NFILZ: variants seen among roughly 807,000 people sequenced by gnomAD.
The protein encoded by NFILZ is NFIL3 like basic leucine zipper, also known as NFIL3 like protein.
At chr19:8,653,559 T>C (rs1015216327) in intron 3 of NFILZ, among the ~76,000 whole-genome samples, 7 of 152,114 alleles carry the variant, frequency 4.6e-5, no homozygotes, top group Non-Finnish European at 7.3e-5. Flanking sequence ...ATTGCAAAGA[T>C]ATGGAACCAA....
rs1260512875 is a variant in NFILZ, at chr19:8,677,688, A to G, written c.*53A>G. The G allele has an allele frequency of 6.6e-6, 1 of 152,220 alleles. No individual in the cohort carries two copies. The highest frequency in any genetic ancestry group is 1.5e-5 in the Non-Finnish European group (1 of 68,118). The allele number at this position is 152,220 out of a possible 1,614,324, so 9.4% of individuals were successfully genotyped here. On this transcript the variant is annotated 3_prime_UTR_variant, in exon 6 of 6. Transcript: ENST00000691075. ...GCAAGGGGGTGTTTGGGGGCGGAAT[A>G]TAGGTTTGTCTGAGGGATGAGTAGC...
rs1372761548 is a variant in NFILZ, at chr19:8,677,921, T to C, written c.*286T>C. Among the ~76,000 whole-genome samples the C allele has an allele frequency of 6.6e-6, 1 of 151,990 alleles. No individual in the cohort carries two copies. Among genetic ancestry groups the C allele is most frequent in the African/African-American group, 2.4e-5 (1 of 41,382 alleles). On this transcript the variant is annotated 3_prime_UTR_variant, in exon 6 of 6. Transcript: ENST00000691075. ...TTCCTTCCTCCTTTCCATTTATCTA[T>C]TCTTCCCTATAGCCATCCATTCATC...
chr19:8,656,015 C>T lies in NFILZ; in HGVS notation c.-163-18536C>T, dbSNP rs368932117. ...AGCCCTGCTCTCAGGGTGGGGAGAACAGGTTCTACCCTCTCCGAGGTTCTC... is the reference window on the plus strand; with the variant it reads ...AGCCCTGCTCTCAGGGTGGGGAGAATAGGTTCTACCCTCTCCGAGGTTCTC... On this transcript the variant is annotated intron_variant, in intron 3 of 5. Transcript: ENST00000691075. Among the ~76,000 whole-genome samples, 11 of 152,160 alleles carry T rather than the reference C, an allele frequency of 7.2e-5. No individual in the cohort carries two copies. The East Asian group carries it at 2.1e-3, about 29-fold the overall frequency.
chr19:8,633,735 C>A lies in NFILZ; in HGVS notation c.-261+1110C>A, dbSNP rs1357355370. ...TCAGCTCTTGTCCTGGGACAAGGCCCCCTGCCTCCTGGTCAAGGGAGCAGG... is the reference window on the plus strand; with the variant it reads ...TCAGCTCTTGTCCTGGGACAAGGCCACCTGCCTCCTGGTCAAGGGAGCAGG... On this transcript the variant is annotated intron_variant, in intron 2 of 5. Transcript: ENST00000691075. Among the ~76,000 whole-genome samples, 4 of 152,158 alleles carry A rather than the reference C, an allele frequency of 2.6e-5. No individual in the cohort carries two copies. In the East Asian group the frequency reaches 7.7e-4, roughly 29 times the overall value.
At chr19:8,673,857 T>C (rs1555750508) in intron 3 of NFILZ, among the ~76,000 whole-genome samples, 1 of 152,088 alleles carries the variant, frequency 6.6e-6, no homozygotes, top group Non-Finnish European at 1.5e-5. Flanking sequence ...GATTGATTGA[T>C]TGAGATGGAG....
chr19:8,638,243 A>T (rs1555746292), intron 3 of NFILZ, among the ~76,000 whole-genome samples: 1 of 152,210 alleles, frequency 6.6e-6, no homozygotes, highest in African/African-American at 2.4e-5. Flanking sequence ...ATGCTGTGTG[A>T]TGCTAGAAGT....
intron 3 of NFILZ, among the ~76,000 whole-genome samples, chr19:8,663,748 G>GTGTGTATGTGTGTGTGTATGTGTGTA (rs2043046753): frequency 4.8e-4 from 67 of 139,476 alleles, no homozygotes; most frequent in African/African-American, 1.8e-3. Flanking sequence ...GTGTGTGTGT[G>GTGTGTATGTGTGTGTGTATGTGTGTA]TGTGTGTGTG....
At chr19:8,633,166 G>T (rs929193768) in intron 2 of NFILZ, among the ~76,000 whole-genome samples, 2 of 150,560 alleles carry the variant, frequency 1.3e-5, no homozygotes, top group Admixed American at 1.3e-4. Context: ...GATTACAGAT[G>T]TGCACCACCA....
At position 8,631,590 on chromosome 19, in the gene NFILZ, C is replaced by A. The variant is rs563614164; in HGVS notation, c.-411+846C>A. Among the ~76,000 whole-genome samples, 4 of 152,268 alleles carry A rather than the reference C, an allele frequency of 2.6e-5. No individual in the cohort carries two copies. The South Asian group carries it at 8.3e-4, about 32-fold the overall frequency. ...TCTTGGCCCCCTCTTCCCCCGAGTCCAGGGTCACAGTGGGAGGCCGCAGAT... is the reference window on the plus strand; with the variant it reads ...TCTTGGCCCCCTCTTCCCCCGAGTCAAGGGTCACAGTGGGAGGCCGCAGAT... On this transcript the variant is annotated intron_variant, in intron 1 of 5. Transcript: ENST00000691075.
intron 3 of NFILZ, among the ~76,000 whole-genome samples, chr19:8,673,725 A>C (rs1555750490): frequency 6.6e-6 from 1 of 152,010 alleles, no homozygotes; most frequent in Non-Finnish European, 1.5e-5. Context: ...GTTCCTGGGC[A>C]TGGGCACTGG....
chr19:8,637,784 G>A (rs1460381363), intron 3 of NFILZ, among the ~76,000 whole-genome samples: 3 of 151,600 alleles, frequency 2.0e-5, no homozygotes, highest in African/African-American at 7.3e-5. Flanking sequence ...GCAGATGCCT[G>A]TAATCTCAGC....
chr19:8,679,185 C>T lies in NFILZ; in HGVS notation c.*1550C>T, dbSNP rs1357019056. 6.6e-6 allele frequency among the ~76,000 whole-genome samples: 1 copy of T among 152,086 alleles called. No homozygotes were observed. The highest frequency in any genetic ancestry group is 2.4e-5 in the African/African-American group (1 of 41,404). On this transcript the variant is annotated 3_prime_UTR_variant, in exon 6 of 6. Transcript: ENST00000691075. ...ACCCACCCAGGTGGAAGGGTCCATT[C>T]TGCAGGGAAGGTCTTCCAGGGGCCT...
At chr19:8,658,177 C>G (rs1317387502) in intron 3 of NFILZ, among the ~76,000 whole-genome samples, 4 of 152,236 alleles carry the variant, frequency 2.6e-5, no homozygotes, top group East Asian at 1.9e-4. Flanking sequence ...ACAGAATGAT[C>G]AAGAGGTAGC....
At chr19:8,652,354 C>T (rs934490256) in intron 3 of NFILZ, among the ~76,000 whole-genome samples, 88 of 152,142 alleles carry the variant, frequency 5.8e-4, no homozygotes, top group Non-Finnish European at 1.1e-3. Context: ...CCACTCGCCT[C>T]GGCCTCCCAA....
chr19:8,641,399 T>C (rs1422564450), intron 3 of NFILZ, among the ~76,000 whole-genome samples: 1 of 152,126 alleles, frequency 6.6e-6, no homozygotes, highest in Non-Finnish European at 1.5e-5. Context: ...TGTTTAGGAA[T>C]TCACCCAAAT....
chr19:8,652,772 TC>T (rs1214413526), intron 3 of NFILZ, among the ~76,000 whole-genome samples: 2 of 152,006 alleles, frequency 1.3e-5, no homozygotes, highest in African/African-American at 2.4e-5. Flanking sequence ...TTTCTTTTTT[TC>T]CTTTCTTTCT....
In NFILZ at chr19:8,678,060, C is replaced by CCACT. The variant is rs2043121456; in HGVS notation, c.*425_*426insCACT. ...TCCATCCATCCATCCATCCACCCAT[C>CCACT]TATTCATCCATCCATCAATCCATCC... On this transcript the variant is annotated 3_prime_UTR_variant, in exon 6 of 6. Coordinates refer to ENST00000691075, the MANE Select transcript of NFILZ (RefSeq NM_001378600.1). Among the ~76,000 whole-genome samples, 1 of 89,516 alleles carries CCACT rather than the reference C, an allele frequency of 1.1e-5. No homozygotes were observed. Among genetic ancestry groups the CCACT allele is most frequent in the Non-Finnish European group, 2.3e-5 (1 of 44,400 alleles). 58.7% of individuals were successfully genotyped at this position (89,516 alleles called of 152,430 possible). A position where few individuals can be genotyped will look rare whatever the true frequency, so the allele number is the denominator to read the frequency against.
In NFILZ at chr19:8,663,736, G is replaced by GTATGTGTGTGTGTGTGTATGTGTGTGTA. The variant is rs782229587; in HGVS notation, c.-163-10814_-163-10813insATGTGTGTGTGTGTGTATGTGTGTGTAT. 7.6e-3 allele frequency among the ~76,000 whole-genome samples: 1,031 copies of GTATGTGTGTGTGTGTGTATGTGTGTGTA among 136,104 alleles called. 25 individuals carry two copies. The highest frequency in any genetic ancestry group is 0.013 in the African/African-American group (497 of 37,044). 89.3% of individuals were successfully genotyped at this position (136,104 alleles called of 152,430 possible). Reference sequence around the variant, plus strand: ...TGTGTGTGTGTTTGTGTGTGTGTGTGTGTGTGTGTGTGTGTGTGTGTGTGT... The same window carrying GTATGTGTGTGTGTGTGTATGTGTGTGTA: ...TGTGTGTGTGTTTGTGTGTGTGTGTGTATGTGTGTGTGTGTGTATGTGTGTGTATGTGTGTGTGTGTGTGTGTGTGTGT... On this transcript the variant is annotated intron_variant, in intron 3 of 5. Transcript: ENST00000691075.
intron 3 of NFILZ, among the ~76,000 whole-genome samples, chr19:8,656,109 G>A (rs1197503438): frequency 6.9e-6 from 1 of 143,980 alleles, no homozygotes; most frequent in Admixed American, 7.1e-5. Context: ...AAGGAGGAGG[G>A]AGCACCAGGC....
Sources: gnomAD v4.1 joint callset for allele counts (sites outside exome capture counted in the v4.1 genomes callset) on GRCh38, gnomAD v4.1.1 for gene constraint, MANE v1.5 for transcripts, NCBI Gene and HGNC (gene_info 2026-07-23, HGNC 2026-07-21) for gene names.